FHIT: variants seen among roughly 807,000 people sequenced by gnomAD.
The protein encoded by FHIT is fragile histidine triad diadenosine triphosphatase.
In FHIT, 19 loss-of-function variants were observed where a neutral mutation model predicts 17.9. The ratio of observed to expected loss-of-function variants is 1.06; its 90% CI spans 0.74 to 1.56. The LOEUF (loss-of-function observed/expected upper bound fraction) is 1.56. Among genes scored for constraint, FHIT ranks in the 40% most tolerant of loss-of-function variants. FHIT has a pLI of 0.00. For missense variants in FHIT, 248 were observed against 189.2 expected (o/e 1.31, Z -1.82); for synonymous variants, 81 against 69.7 (o/e 1.16, Z -0.81).
At chr3:60,500,268 A>G (rs545945109) in intron 5 of FHIT, among the ~76,000 whole-genome samples, 2 of 152,314 alleles carry the variant, frequency 1.3e-5, no homozygotes, top group Non-Finnish European at 2.9e-5. Flanking sequence ...CAGAGACCAC[A>G]TGGCCCAGAA....
intron 8 of FHIT, among the ~76,000 whole-genome samples, chr3:59,788,048 C>T (rs1479965346): frequency 6.6e-6 from 1 of 152,208 alleles, no homozygotes; most frequent in Non-Finnish European, 1.5e-5. Context: ...CAAAGTGTGA[C>T]ATTGGCCCTT....
intron 3 of FHIT, among the ~76,000 whole-genome samples, chr3:60,878,591 T>C (rs1256853894): frequency 2.0e-5 from 3 of 152,120 alleles, no homozygotes; most frequent in Admixed American, 2.0e-4. Context: ...GCGGCACCCA[T>C]TAACTCGTCA....
chr3:59,855,834 G>A (rs972883500), intron 8 of FHIT, among the ~76,000 whole-genome samples: 4 of 150,364 alleles, frequency 2.7e-5, no homozygotes, highest in African/African-American at 4.9e-5. Flanking sequence ...AGTCTGGAGT[G>A]CAGTGGCACT....
chr3:60,873,315 T>C (rs981858239), intron 3 of FHIT, among the ~76,000 whole-genome samples: 1 of 152,202 alleles, frequency 6.6e-6, no homozygotes, highest in Non-Finnish European at 1.5e-5. Flanking sequence ...TAACCACCTA[T>C]GGCTCTCTCC....
intron 2 of FHIT, among the ~76,000 whole-genome samples, chr3:61,188,755 C>T (rs2038611374): frequency 6.6e-6 from 1 of 152,092 alleles, no homozygotes; most frequent in South Asian, 2.1e-4. Flanking sequence ...GGCTTCATCC[C>T]TGGGATACAA....
chr3:60,442,905 G>A (rs1161743585), intron 5 of FHIT, among the ~76,000 whole-genome samples: 1 of 152,146 alleles, frequency 6.6e-6, no homozygotes. Context: ...CTACCCATGA[G>A]CATGGAATGT....
At chr3:61,117,806 C>T (rs1161616316) in intron 2 of FHIT, among the ~76,000 whole-genome samples, 1 of 152,150 alleles carries the variant, frequency 6.6e-6, no homozygotes, top group African/African-American at 2.4e-5. Context: ...TAGTTTTCCA[C>T]TTGCTAATTG....
At chr3:60,853,649 T>C (rs1703245924) in intron 3 of FHIT, among the ~76,000 whole-genome samples, 1 of 152,106 alleles carries the variant, frequency 6.6e-6, no homozygotes, top group Non-Finnish European at 1.5e-5. Flanking sequence ...TGTATTTTAG[T>C]GCAATTCTGC....
In FHIT at chr3:60,728,119, C is replaced by T. The variant is rs1380448015; in HGVS notation, c.-18+93800G>A. On this transcript the variant is annotated intron_variant, in intron 4 of 9. Coordinates refer to ENST00000492590, the MANE Select transcript of FHIT (RefSeq NM_002012.4). ...AACATTGTGGCAAAACTTTAAAATG[C>T]AGGACATAATGTAAAAATTCTTCTA... Among the ~76,000 whole-genome samples the T allele has an allele frequency of 3.9e-5, 6 of 152,176 alleles. No individual in the cohort carries two copies. In the East Asian group the frequency reaches 1.2e-3, roughly 29 times the overall value.
intron 4 of FHIT, among the ~76,000 whole-genome samples, chr3:60,774,580 A>C (rs541318094): frequency 2.2e-4 from 34 of 152,348 alleles, no homozygotes; most frequent in Admixed American, 5.9e-4. Flanking sequence ...GATTACAGGC[A>C]TGAGCCACTG....
chr3:59,891,176 T>C (rs749777302), intron 8 of FHIT, among the ~76,000 whole-genome samples: 11 of 152,180 alleles, frequency 7.2e-5, no homozygotes, highest in Non-Finnish European at 1.2e-4. Context: ...AGTTGATCAA[T>C]CCTTCCAGTT....
At chr3:60,860,625 A>C (rs1703716014) in intron 3 of FHIT, among the ~76,000 whole-genome samples, 1 of 96,444 alleles carries the variant, frequency 1.0e-5, no homozygotes, top group Non-Finnish European at 2.2e-5. Flanking sequence ...GTACATATAT[A>C]TCAGGTATAT....
At chr3:60,531,274 CTTTT>C (rs5741620) in intron 5 of FHIT, among the ~76,000 whole-genome samples, 260 of 83,148 alleles carry the variant, frequency 3.1e-3, no homozygotes, top group African/African-American at 0.011. Flanking sequence ...GAAAAGAACT[CTTTT>C]TTTTTTTTTT....
intron 4 of FHIT, among the ~76,000 whole-genome samples, chr3:60,561,831 T>C (rs573920356): frequency 6.6e-6 from 1 of 151,918 alleles, no homozygotes; most frequent in East Asian, 1.9e-4. Flanking sequence ...GCACCATTCT[T>C]AATATCAAAA....
intron 4 of FHIT, among the ~76,000 whole-genome samples, chr3:60,619,217 G>T (rs1440816173): frequency 6.6e-6 from 1 of 152,056 alleles, no homozygotes; most frequent in Non-Finnish European, 1.5e-5. Context: ...TACTGTTCTA[G>T]AATCACTGTC....
rs527845849 is a variant in FHIT at position 61,232,329 on chromosome 3, G to T, written c.-213+18972C>A. On this transcript the variant is annotated intron_variant, in intron 1 of 9. Transcript: ENST00000492590. The stretch of plus-strand genomic sequence containing the variant: ...TTGAACCAGGGAGGTGGAGGTTGCA[G>T]TGAGCTGAGATCTTGCCACTGCACT... Among the ~76,000 whole-genome samples, 7 of 152,350 alleles carry T rather than the reference G, an allele frequency of 4.6e-5. No homozygotes were observed. The South Asian group carries it at 1.2e-3, about 27-fold the overall frequency.
intron 3 of FHIT, 35 bp downstream of exon 3, chr3:61,042,012 C>G (rs2033541181): frequency 6.6e-6 from 1 of 152,160 alleles, no homozygotes; most frequent in African/African-American, 2.4e-5. Context: ...GGCATATGTG[C>G]CAATTCTGTT....
chr3:59,962,484 A>G (rs1014383121), intron 7 of FHIT, among the ~76,000 whole-genome samples: 4 of 152,188 alleles, frequency 2.6e-5, no homozygotes, highest in Admixed American at 2.0e-4. Flanking sequence ...AGAATGGCCT[A>G]AAGAGGAAAT....
chr3:60,234,214 C>T (rs1704650702), intron 5 of FHIT, among the ~76,000 whole-genome samples: 1 of 151,864 alleles, frequency 6.6e-6, no homozygotes, highest in Non-Finnish European at 1.5e-5. Flanking sequence ...AGCACAGGGA[C>T]AACAAAAAAT....
Sources: gnomAD v4.1 joint callset for allele counts (sites outside exome capture counted in the v4.1 genomes callset) on GRCh38, gnomAD v4.1.1 for gene constraint, MANE v1.5 for transcripts, NCBI Gene and HGNC (gene_info 2026-07-23, HGNC 2026-07-21) for gene names.